The following NOP58 variants were observed in gnomAD, a reference collection of about 807,000 sequenced individuals.
NOP58 encodes the protein nucleolar protein 58.
A neutral mutation model predicts 71.2 loss-of-function variants in NOP58; 44 were observed. The observed-to-expected ratio is 0.62, with a 90% CI of 0.49 to 0.79. The LOEUF (loss-of-function observed/expected upper bound fraction) is 0.79, where lower values mean the gene tolerates loss of function less well. Among genes scored for constraint, NOP58 ranks in the 30% least tolerant of loss-of-function variants. The pLI, the probability that NOP58 is intolerant of heterozygous loss-of-function variation, is 0.00. For synonymous variants in NOP58, 228 were observed against 200.3 expected (o/e 1.14, Z -1.17); for missense variants, 538 against 620.2 (o/e 0.87, Z 1.41).
intron 2 of NOP58, chr2:202,275,437 A>G (rs1217792406): frequency 5.3e-6 from 2 of 374,946 alleles, no homozygotes; most frequent in East Asian, 1.0e-4. Context: ...CCCTGTGGAT[A>G]CTTTAAACCT....
intron 1 of NOP58, among the ~76,000 whole-genome samples, chr2:202,271,446 A>G (rs1242611118): frequency 2.0e-5 from 3 of 151,448 alleles, no homozygotes; most frequent in South Asian, 2.1e-4. Context: ...ATGTGCCTGT[A>G]ATCCCAGCTA....
chr2:202,266,130 C>G, intron 1 of NOP58, 144 bp downstream of exon 1: 1 of 885,058 alleles, frequency 1.1e-6, no homozygotes, highest in Non-Finnish European at 1.8e-6. Flanking sequence ...GGCCTTTACA[C>G]CTGAGAGCCA....
chr2:202,295,925 A>C, intron 10 of NOP58, 88 bp downstream of exon 10: 1 of 984,696 alleles, frequency 1.0e-6, no homozygotes, highest in Non-Finnish European at 1.4e-6. Context: ...GTACACATTA[A>C]ATCTTCTATT....
rs372634180 is a variant in NOP58, at chr2:202,280,621, C to T, written c.176-1730C>T. On this transcript the variant is annotated intron_variant, in intron 3 of 14. Coordinates refer to ENST00000264279, the MANE Select transcript of NOP58 (RefSeq NM_015934.5). ...TGCTGGGATTACAAGCATGAGCCACCGTGCCTGGCCATCATTTTTTTTTTT... is the reference window on the plus strand; with the variant it reads ...TGCTGGGATTACAAGCATGAGCCACTGTGCCTGGCCATCATTTTTTTTTTT... 1.1e-4 allele frequency among the ~76,000 whole-genome samples: 17 copies of T among 149,872 alleles called. No homozygotes were observed. In the East Asian group the frequency reaches 2.9e-3, roughly 26 times the overall value.
At chr2:202,295,054 G>A (rs1007901038) in intron 9 of NOP58, among the ~76,000 whole-genome samples, 3 of 152,120 alleles carry the variant, frequency 2.0e-5, no homozygotes, top group Admixed American at 6.5e-5. Context: ...AGAGGGCTAC[G>A]AAAGTGACTA....
At chr2:202,302,110 CAG>C (rs1448608901) in intron 13 of NOP58, among the ~76,000 whole-genome samples, 3 of 101,144 alleles carry the variant, frequency 3.0e-5, no homozygotes, top group African/African-American at 3.8e-5. Context: ...TTTTTTGAGA[CAG>C]AGTCTCCCTC....
chr2:202,281,599 C>G (rs1194780423), intron 3 of NOP58, among the ~76,000 whole-genome samples: 1 of 152,108 alleles, frequency 6.6e-6, no homozygotes, highest in Admixed American at 6.5e-5. Flanking sequence ...GCCACCACAC[C>G]CAGCTAATTT....
At position 202,303,611 on chromosome 2, in the gene NOP58, A is replaced by T. The variant is rs1689129699; in HGVS notation, c.*175A>T. On this transcript the variant is annotated 3_prime_UTR_variant, in exon 15 of 15. Transcript: ENST00000264279. ...ACATCAACTCTGTTAACCTTATGTC[A>T]TCATTTCTTAGAGTCTTTGATATAC... The T allele has an allele frequency of 1.4e-6, 1 of 706,650 alleles. No homozygotes were observed. Among genetic ancestry groups the T allele is most frequent in the Non-Finnish European group, 2.1e-6 (1 of 476,554 alleles). The allele number at this position is 706,650 out of a possible 1,614,324, so 43.8% of individuals were successfully genotyped here.
At chr2:202,291,829 A>AT (rs1688905264) in intron 8 of NOP58, among the ~76,000 whole-genome samples, 1 of 138,298 alleles carries the variant, frequency 7.2e-6, no homozygotes, top group African/African-American at 3.3e-5. Flanking sequence ...AAAAAAAAAA[A>AT]GGATGGCAGA....
At position 202,300,292 on chromosome 2, in the gene NOP58, C is replaced by T. The variant is rs759580885; in HGVS notation, c.1327C>T (p.Arg443Cys). Residue 443 changes from arginine (R) to cysteine (C), a missense_variant, in exon 13 of 15, where the codon CGC becomes TGC. By Grantham distance (180) the Arg-to-Cys change is radical. Coordinates refer to ENST00000264279, the MANE Select transcript of NOP58 (RefSeq NM_015934.5). ...DSTLPTCSKKRKIEQVDKEDE... is the reference protein window; with the variant it reads ...DSTLPTCSKKCKIEQVDKEDE... ...CACACTTCCAACCTGTTCTAAAAAA[C>T]GCAAAATAGAACAGGTAGATAAAGA... The T allele has an allele frequency of 6.9e-6, 11 of 1,600,852 alleles. No individual in the cohort carries two copies. Among genetic ancestry groups the T allele is most frequent in the Admixed American group, 1.8e-5 (1 of 55,886 alleles).
rs10205443 is a variant in NOP58 at position 202,289,964 on chromosome 2, A to T, written c.500-359A>T. On this transcript the variant is annotated intron_variant, in intron 6 of 14. Transcript: ENST00000264279. ...TGTTATTTTTTATTCTTTTTTTTTT[A>T]AATTTTTTGCGACGGAATCTTGCTC... Among the ~76,000 whole-genome samples, 1,490 of 151,246 alleles carry T rather than the reference A, an allele frequency of 9.9e-3. 17 individuals carry two copies. Among genetic ancestry groups the T allele is most frequent in the African/African-American group, 0.032 (1,330 of 41,150 alleles).
At chr2:202,289,726 TATATG>T (rs1485244046) in intron 6 of NOP58, among the ~76,000 whole-genome samples, 1 of 152,166 alleles carries the variant, frequency 6.6e-6, no homozygotes, top group African/African-American at 2.4e-5. Flanking sequence ...TGATTCTGCT[TATATG>T]AAGTACCTAA....
intron 10 of NOP58, among the ~76,000 whole-genome samples, chr2:202,296,086 C>G (rs1688988657): frequency 6.6e-6 from 1 of 152,034 alleles, no homozygotes; most frequent in Non-Finnish European, 1.5e-5. Flanking sequence ...CTAGAATCTC[C>G]CTGTGGTTGG....
chr2:202,287,858 T>C (rs1574383876), intron 6 of NOP58, 134 bp downstream of exon 6: 1 of 658,526 alleles, frequency 1.5e-6, no homozygotes, highest in East Asian at 3.1e-5. Flanking sequence ...AAGCCTTTAA[T>C]CCCAGCACTT....
At chr2:202,281,047 A>C (rs1688692825) in intron 3 of NOP58, among the ~76,000 whole-genome samples, 1 of 151,880 alleles carries the variant, frequency 6.6e-6, no homozygotes, top group African/African-American at 2.4e-5. Flanking sequence ...GAAGAGCAAG[A>C]CCTGACTTAT....
intron 1 of NOP58, among the ~76,000 whole-genome samples, chr2:202,270,473 A>G (rs1289369691): frequency 6.6e-6 from 1 of 152,226 alleles, no homozygotes; most frequent in African/African-American, 2.4e-5. Flanking sequence ...CTTAAAAGTT[A>G]GCATCAAATA....
Position 202,277,930 on chromosome 2 carries a change from T to C in NOP58, c.123-20T>C, listed in dbSNP as rs1490378670. 5.3e-6 allele frequency: 7 copies of C among 1,317,442 alleles called. No individual in the cohort carries two copies. Among genetic ancestry groups the C allele is most frequent in the Non-Finnish European group, 7.5e-6 (7 of 936,814 alleles). 81.6% of individuals were successfully genotyped at this position (1,317,442 alleles called of 1,614,324 possible). A position where few individuals can be genotyped will look rare whatever the true frequency, so the allele number is the denominator to read the frequency against. On this transcript the variant is annotated intron_variant, in intron 2 of 14. Transcript: ENST00000264279. ...CACTGCCCCCAATAACATGTTTATC[T>C]CTTTTTTTTTTAATTCTAGAGTAAA...
At chr2:202,293,184 G>GA (rs1473124456) in intron 9 of NOP58, 1 of 608,760 alleles carries the variant, frequency 1.6e-6, no homozygotes, top group South Asian at 1.4e-5. Context: ...ACAATCGGAT[G>GA]AATGCAGGAG....
At chr2:202,276,654 A>G (rs1327655287) in intron 2 of NOP58, 1 of 302,728 alleles carries the variant, frequency 3.3e-6, no homozygotes, top group East Asian at 8.1e-5. Context: ...AGCCTGGGCA[A>G]TATAGGAAAA....
Sources: allele counts gnomAD v4.1 joint callset (sites outside exome capture counted in the v4.1 genomes callset), GRCh38; gene constraint gnomAD v4.1.1; transcripts MANE v1.5; gene names NCBI Gene and HGNC (gene_info 2026-07-23, HGNC 2026-07-21).